The following MTUS2 variants were observed in gnomAD, a reference collection of about 807,000 sequenced individuals.
MTUS2 encodes microtubule associated scaffold protein 2, also known as microtubule-associated tumor suppressor candidate 2.
In MTUS2, 40 loss-of-function variants were observed where a neutral mutation model predicts 114.1. The ratio of observed to expected loss-of-function variants is 0.35; its 90% CI spans 0.27 to 0.46. MTUS2 has a LOEUF of 0.46. MTUS2 is among the 20% of genes least tolerant of loss of function. The pLI, the probability that MTUS2 is intolerant of heterozygous loss-of-function variation, is 1.00. For missense variants in MTUS2, 1,679 were observed against 1,705.4 expected (o/e 0.98, Z 0.27); for synonymous variants, 688 against 672.0 (o/e 1.02, Z -0.37).
intron 5 of MTUS2, among the ~76,000 whole-genome samples, chr13:29,209,264 A>T (rs1895320779): frequency 6.6e-6 from 1 of 151,972 alleles, no homozygotes; most frequent in Admixed American, 6.6e-5. Flanking sequence ...TCTGGTGTCC[A>T]TTTGCATGGA....
intron 5 of MTUS2, among the ~76,000 whole-genome samples, chr13:29,281,483 G>T (rs956906466): frequency 6.6e-6 from 1 of 151,472 alleles, no homozygotes; most frequent in Non-Finnish European, 1.5e-5. Flanking sequence ...GTGGAGCCCC[G>T]TTTAGTGCAC....
intron 5 of MTUS2, among the ~76,000 whole-genome samples, chr13:29,220,026 G>C (rs1480148710): frequency 7.0e-6 from 1 of 143,126 alleles, no homozygotes; most frequent in Admixed American, 7.0e-5. Flanking sequence ...ACAGAGTTTT[G>C]CTCTTGTTGC....
At chr13:28,875,094 A>C (rs1485894877) in intron 2 of MTUS2, among the ~76,000 whole-genome samples, 3 of 152,228 alleles carry the variant, frequency 2.0e-5, no homozygotes, top group Admixed American at 2.0e-4. Context: ...TGTTCAGTAA[A>C]AATGTGTTAA....
intron 8 of MTUS2, among the ~76,000 whole-genome samples, chr13:29,378,294 AAAAAG>A (rs200225321): frequency 2.8e-3 from 312 of 111,702 alleles, no homozygotes; most frequent in East Asian, 5.5e-3. Context: ...AATAAATTAA[AAAAAG>A]AAAAAAGCGA....
intron 12 of MTUS2, among the ~76,000 whole-genome samples, chr13:29,494,286 T>C (rs1882387051): frequency 6.6e-6 from 1 of 152,214 alleles, no homozygotes; most frequent in African/African-American, 2.4e-5. Context: ...ATTGTGATTA[T>C]TGTCATGCTG....
chr13:29,376,035 A>ATG (rs1237166643), intron 8 of MTUS2, among the ~76,000 whole-genome samples: 2 of 110,070 alleles, frequency 1.8e-5, no homozygotes, highest in African/African-American at 8.6e-5. Flanking sequence ...GTGTATATAT[A>ATG]TATATGTGTG....
chr13:28,998,878 T>C (rs774850732), intron 2 of MTUS2, among the ~76,000 whole-genome samples: 1 of 152,230 alleles, frequency 6.6e-6, no homozygotes, highest in African/African-American at 2.4e-5. Context: ...TCTGAAGCCT[T>C]CTTCTCTGAA....
intron 5 of MTUS2, among the ~76,000 whole-genome samples, chr13:29,144,568 A>G (rs777185657): frequency 2.6e-5 from 4 of 152,024 alleles, no homozygotes; most frequent in Non-Finnish European, 4.4e-5. Flanking sequence ...TTGTTGGCAG[A>G]AGTGATTTCC....
At chr13:29,038,822 T>TG (rs1566315578) in intron 4 of MTUS2, among the ~76,000 whole-genome samples, 4 of 152,234 alleles carry the variant, frequency 2.6e-5, no homozygotes, top group Admixed American at 6.5e-5. Flanking sequence ...TCGAACTTTC[T>TG]GGTGGCTTTG....
At chr13:29,483,357 A>G (rs946716485) in intron 10 of MTUS2, among the ~76,000 whole-genome samples, 2 of 152,228 alleles carry the variant, frequency 1.3e-5, no homozygotes, top group Non-Finnish European at 2.9e-5. Context: ...CGTCGTGACA[A>G]AGCCAGCCAG....
intron 2 of MTUS2, among the ~76,000 whole-genome samples, chr13:28,917,502 T>G (rs1189856550): frequency 6.6e-6 from 1 of 151,864 alleles, no homozygotes; most frequent in African/African-American, 2.4e-5. Flanking sequence ...GTTGTGTATG[T>G]CTAGGAATTT....
chr13:28,928,580 A>G (rs1359200253), intron 2 of MTUS2, among the ~76,000 whole-genome samples: 1 of 152,222 alleles, frequency 6.6e-6, no homozygotes, highest in Non-Finnish European at 1.5e-5. Flanking sequence ...AATGGCTTTT[A>G]TGTAAAAGAA....
chr13:28,883,298 A>G (rs1488354565), intron 2 of MTUS2, among the ~76,000 whole-genome samples: 2 of 152,234 alleles, frequency 1.3e-5, no homozygotes, highest in Non-Finnish European at 2.9e-5. Context: ...TGCACTATTG[A>G]GTATTTGTTC....
intron 5 of MTUS2, among the ~76,000 whole-genome samples, chr13:29,267,950 A>G (rs1235137429): frequency 3.9e-5 from 6 of 152,160 alleles, no homozygotes; most frequent in Admixed American, 3.3e-4. Flanking sequence ...TGTATTTGGT[A>G]ACTAAGAGAT....
chr13:29,359,995 C>G (rs572439548), intron 8 of MTUS2, among the ~76,000 whole-genome samples: 1 of 152,184 alleles, frequency 6.6e-6, no homozygotes, highest in Non-Finnish European at 1.5e-5. Context: ...CTTGTGCCCT[C>G]AATTTTTCTG....
chr13:29,200,296 T>G (rs889221982), intron 5 of MTUS2, among the ~76,000 whole-genome samples: 5 of 152,056 alleles, frequency 3.3e-5, no homozygotes, highest in African/African-American at 1.2e-4. Context: ...GTGTCGATTT[T>G]AGATCTTTCC....
At chr13:29,318,388 T>A in intron 6 of MTUS2, among the ~76,000 whole-genome samples, 1 of 51,524 alleles carries the variant, frequency 1.9e-5, no homozygotes, top group Non-Finnish European at 6.9e-5. Flanking sequence ...GTTATTTCTT[T>A]TTCTTTTTTT....
At position 29,034,006 on chromosome 13, in the gene MTUS2, C is replaced by G; in HGVS notation, c.2327C>G (p.Ser776Cys). The change falls in exon 4 of 16, where the codon TCC becomes TGC. Residue 776 changes from serine to cysteine, a missense_variant. Transcript: ENST00000612955. ...LKPQLGLGAM[S>C]RLPSAKSRIL... is the part of the protein sequence containing the mutation. ...CCCCAGCTAGGATTGGGTGCAATGT[C>G]CCGTTTACCATCTGCAAAGAGCAGG... The G allele has an allele frequency of 6.2e-7, 1 of 1,613,966 alleles. No individual in the cohort carries two copies. The highest frequency in any genetic ancestry group is 8.5e-7 in the Non-Finnish European group (1 of 1,179,894).
At chr13:29,227,945 G>A (rs1426511204) in intron 5 of MTUS2, among the ~76,000 whole-genome samples, 1 of 152,132 alleles carries the variant, frequency 6.6e-6, no homozygotes, top group African/African-American at 2.4e-5. Context: ...AACATATCCA[G>A]TTTTATATTA....
Sources: gnomAD v4.1 joint callset for allele counts (sites outside exome capture counted in the v4.1 genomes callset) on GRCh38, gnomAD v4.1.1 for gene constraint, MANE v1.5 for transcripts, NCBI Gene and HGNC (gene_info 2026-07-23, HGNC 2026-07-21) for gene names.